LEF1: variants seen among roughly 807,000 people sequenced by gnomAD.
LEF1 encodes lymphoid enhancer-binding factor 1.
Under a neutral mutation model 51.2 loss-of-function variants are expected in LEF1, and 14 were observed. The ratio of observed to expected loss-of-function variants is 0.27; its 90% confidence interval spans 0.18 to 0.43. The LOEUF is 0.43. Among genes scored for constraint, LEF1 ranks in the 20% least tolerant of loss-of-function variants. The pLI is 1.00. For missense variants in LEF1, 386 were observed against 512.0 expected, an observed-to-expected ratio of 0.75 and a Z score of 2.37; for synonymous variants, 185 against 183.2, an observed-to-expected ratio of 1.01 and a Z score of -0.08.
chr4:108,101,827 G>A (rs530802841), intron 3 of LEF1, among the ~76,000 whole-genome samples: 2 of 152,272 alleles, frequency 1.3e-5, no homozygotes, highest in East Asian at 3.9e-4. Flanking sequence ...TATGGAAGCC[G>A]AGGTAGGTGG....
rs572357618 is a variant in LEF1 at position 108,090,172 on chromosome 4, G to A, written c.415-915C>T. Among the ~76,000 whole-genome samples, 53 of 152,092 alleles carry A rather than the reference G, an allele frequency of 3.5e-4. 2 individuals carry two copies. Among genetic ancestry groups the A allele is most frequent in the East Asian group, 9.7e-4 (5 of 5,170 alleles). On this transcript the variant is annotated intron_variant, in intron 3 of 11. Coordinates refer to ENST00000265165, the MANE Select transcript of LEF1 (RefSeq NM_016269.5). ...TTTTTGTATTTTTAGTAAAGACAGG[G>A]TTTCACTATATTGGCCAGGCTGGTT...
chr4:108,082,034 T>A (rs1329518730), intron 5 of LEF1, among the ~76,000 whole-genome samples: 2 of 152,204 alleles, frequency 1.3e-5, no homozygotes, highest in African/African-American at 2.4e-5. Context: ...GAGAAGGAGC[T>A]GAGTGACTTC....
intron 3 of LEF1, among the ~76,000 whole-genome samples, chr4:108,099,802 C>G (rs551829067): frequency 6.6e-6 from 1 of 151,018 alleles, no homozygotes; most frequent in Non-Finnish European, 1.5e-5. Context: ...AGAACTATAA[C>G]CTTTCATTTT....
rs144571191 is a variant in LEF1 at position 108,163,574 on chromosome 4, C to T, written c.408G>A (p.Pro136=). Residue 136 remains proline, a synonymous_variant, in exon 3 of 12, where the codon CCG becomes CCA. Coordinates refer to ENST00000265165, the MANE Select transcript of LEF1 (RefSeq NM_016269.5). The part of the protein sequence containing the change: ...MSNGSLSPPI[P]RTSNKVPVVQ... ...ACATCAGCATGTTACTTACTGTTCT[C>T]GGGATGGGTGGAGAAAGAGATCCAT... 41 of 1,612,538 alleles carry T rather than the reference C, an allele frequency of 2.5e-5. No individual in the cohort carries two copies. The highest frequency in any genetic ancestry group is 1.0e-4 in the Admixed American group (6 of 59,812).
intron 3 of LEF1, among the ~76,000 whole-genome samples, chr4:108,116,549 C>T (rs1008773813): frequency 6.6e-6 from 1 of 152,126 alleles, no homozygotes; most frequent in African/African-American, 2.4e-5. Context: ...AAGAGCCCTC[C>T]GAGTCCACTT....
chr4:108,125,578 A>G (rs1489546364), intron 3 of LEF1, among the ~76,000 whole-genome samples: 2 of 152,182 alleles, frequency 1.3e-5, no homozygotes, highest in Non-Finnish European at 2.9e-5. Flanking sequence ...TTGAGAATTT[A>G]CTGAATAAAT....
chr4:108,131,947 A>G (rs561081780), intron 3 of LEF1, among the ~76,000 whole-genome samples: 13 of 152,328 alleles, frequency 8.5e-5, no homozygotes, highest in African/African-American at 2.9e-4. Flanking sequence ...CTGAAGCAGT[A>G]TTAGGATTTA....
At chr4:108,115,363 A>G (rs1741768818) in intron 3 of LEF1, among the ~76,000 whole-genome samples, 2 of 152,346 alleles carry the variant, frequency 1.3e-5, no homozygotes, top group East Asian at 1.9e-4. Flanking sequence ...CTCAGTGGCT[A>G]TGGTGAGTCC....
chr4:108,051,415 C>A (rs1444769273), intron 11 of LEF1, among the ~76,000 whole-genome samples: 1 of 152,152 alleles, frequency 6.6e-6, no homozygotes, highest in Non-Finnish European at 1.5e-5. Context: ...AGATATAAAA[C>A]AGGTCCAGTC....
Position 108,089,219 on chromosome 4 carries a change from G to C in LEF1, c.453C>G (p.Val151=), listed in dbSNP as rs1299825579. ...KVPVVQPSHA[V]HPLTPLITYS... is the part of the protein sequence containing the mutation. ...AAGTGATGAGGGGGGTGAGAGGATGGACCGCATGGGATGGCTGCACCACGG... is the reference window on the plus strand; with the variant it reads ...AAGTGATGAGGGGGGTGAGAGGATGCACCGCATGGGATGGCTGCACCACGG... Residue 151 remains valine, a synonymous_variant, in exon 4 of 12, where the codon GTC becomes GTG. Transcript: ENST00000265165. 2 of 1,614,052 alleles carry C rather than the reference G, an allele frequency of 1.2e-6. No homozygotes were observed. The highest frequency in any genetic ancestry group is 2.2e-5 in the South Asian group (2 of 91,070).
In LEF1 at chr4:108,048,205, A is replaced by AC. The variant is rs1553946010; in HGVS notation, c.*552dup. 1 of 152,858 alleles carries AC rather than the reference A, an allele frequency of 6.5e-6. No homozygotes were observed. Among genetic ancestry groups the AC allele is most frequent in the Non-Finnish European group, 1.5e-5 (1 of 68,204 alleles). 9.5% of individuals were successfully genotyped at this position (152,858 alleles called of 1,614,324 possible). A position where few individuals can be genotyped will look rare whatever the true frequency, so the allele number is the denominator to read the frequency against. Reference sequence around the variant, plus strand: ...TTCAAGTTTAAAAAAGCAAAAAAAAACGATCCTTTTGCACTGTTAAATAAA... The same window carrying AC: ...TTCAAGTTTAAAAAAGCAAAAAAAAACCGATCCTTTTGCACTGTTAAATAAA... On this transcript the variant is annotated 3_prime_UTR_variant, in exon 12 of 12. Transcript: ENST00000265165.
rs35000095 is a variant in LEF1, at chr4:108,167,351, TACACACACACACACACACAC to T, written c.213+184_213+203del. 5.4e-4 allele frequency among the ~76,000 whole-genome samples: 71 copies of T among 131,770 alleles called. No individual in the cohort carries two copies. The highest frequency in any genetic ancestry group is 1.3e-3 in the African/African-American group (47 of 35,410). The allele number at this position is 131,770 out of a possible 152,430, so 86.4% of individuals were successfully genotyped here. ...TACCCTGCCCCTCTACCTCCCATCCTACACACACACACACACACACACACACACACACACACACACACACT... is the reference window on the plus strand; with the variant it reads ...TACCCTGCCCCTCTACCTCCCATCCTACACACACACACACACACACACACT... On this transcript the variant is annotated intron_variant, in intron 1 of 11. Coordinates refer to ENST00000265165, the MANE Select transcript of LEF1 (RefSeq NM_016269.5). This position sits in a 1 kb window ranked among gnomAD's most constrained non-coding sequence, Gnocchi z 5.7.
intron 3 of LEF1, among the ~76,000 whole-genome samples, chr4:108,119,087 T>C (rs868853662): frequency 2.0e-5 from 3 of 150,008 alleles, no homozygotes; most frequent in Admixed American, 1.3e-4. Flanking sequence ...TTAAAAAACA[T>C]TTTTTTTCAA....
chr4:108,153,253 C>T (rs375624207), intron 3 of LEF1, among the ~76,000 whole-genome samples: 1 of 152,228 alleles, frequency 6.6e-6, no homozygotes, highest in East Asian at 1.9e-4. Context: ...GGTCTCATCT[C>T]CAGTTCTACA....
At chr4:108,166,906 A>G (rs1745435053) in intron 1 of LEF1, 1 of 763,088 alleles carries the variant, frequency 1.3e-6, no homozygotes, top group Non-Finnish European at 1.6e-6. Flanking sequence ...CACAGCTCCC[A>G]GCTGCTAGCC....
chr4:108,099,410 CT>C (rs1201483740), intron 3 of LEF1, among the ~76,000 whole-genome samples: 1 of 150,728 alleles, frequency 6.6e-6, no homozygotes, highest in East Asian at 2.0e-4. Context: ...GGTAAAAAAA[CT>C]GAAAATCAGA....
intron 3 of LEF1, among the ~76,000 whole-genome samples, chr4:108,155,790 G>T (rs1007026943): frequency 2.6e-5 from 4 of 152,178 alleles, no homozygotes; most frequent in South Asian, 2.1e-4. Flanking sequence ...TAGATCTCAG[G>T]TCTTTTAACA....
At chr4:108,065,047 C>T (rs1737975766) in intron 9 of LEF1, among the ~76,000 whole-genome samples, 2 of 152,188 alleles carry the variant, frequency 1.3e-5, no homozygotes, top group Non-Finnish European at 2.9e-5. Context: ...CAATTAAGGA[C>T]CTTGCTTCCC....
chr4:108,157,592 C>T (rs1744813941), intron 3 of LEF1, among the ~76,000 whole-genome samples: 1 of 152,192 alleles, frequency 6.6e-6, no homozygotes, highest in African/African-American at 2.4e-5. Flanking sequence ...ACAAATCCAG[C>T]TTTTTAAAGA....
Sources: allele counts gnomAD v4.1 joint callset (sites outside exome capture counted in the v4.1 genomes callset), GRCh38; gene constraint gnomAD v4.1.1; non-coding constraint Gnocchi (gnomAD v3.1); transcripts MANE v1.5; gene names NCBI Gene and HGNC (gene_info 2026-07-23, HGNC 2026-07-21).